The following SYNE2 variants were observed in gnomAD, a reference collection of about 807,000 sequenced individuals.
SYNE2 encodes the protein nesprin-2.
SYNE2 carries 431 observed loss-of-function variants against 856.3 expected under a neutral mutation model. That is an observed-to-expected ratio of 0.50 (90% CI 0.47 to 0.55). SYNE2 has a LOEUF of 0.55. Ranked by LOEUF, SYNE2 falls within the 20% of genes least tolerant of loss-of-function variation. The pLI, the probability that SYNE2 is intolerant of heterozygous loss-of-function variation, is 0.00. For synonymous variants in SYNE2, 2,923 were observed against 2,872.3 expected, an observed-to-expected ratio of 1.02 and a Z score of -0.56; for missense variants, 8,129 against 8,023.2, an observed-to-expected ratio of 1.01 and a Z score of -0.50.
intron 2 of SYNE2, among the ~76,000 whole-genome samples, chr14:63,909,809 C>T (rs982245261): frequency 6.6e-6 from 1 of 152,168 alleles, no homozygotes; most frequent in Non-Finnish European, 1.5e-5. Flanking sequence ...CCATTGCATT[C>T]CAGCCTGGGC....
At chr14:63,995,741 C>A (rs143626581) in intron 23 of SYNE2, among the ~76,000 whole-genome samples, 2 of 64,000 alleles carry the variant, frequency 3.1e-5, no homozygotes, top group Non-Finnish European at 6.1e-5. Flanking sequence ...ATCTATCTAT[C>A]TATCTATCTA....
intron 113 of SYNE2, 99 bp from the exon 114 acceptor site, chr14:64,224,361 AC>A (rs1486594953): frequency 3.5e-6 from 4 of 1,139,962 alleles, no homozygotes; most frequent in African/African-American, 3.0e-5. Flanking sequence ...ACAAAACAAA[AC>A]AAAAAAAGAT....
At chr14:63,862,787 G>GTT (rs149128717) in intron 1 of SYNE2, among the ~76,000 whole-genome samples, 11 of 145,910 alleles carry the variant, frequency 7.5e-5, no homozygotes, top group African/African-American at 2.5e-4. Context: ...GGGCAGTTTT[G>GTT]TTTTTTTTTT....
intron 1 of SYNE2, among the ~76,000 whole-genome samples, chr14:63,770,171 G>A (rs1433148931): frequency 6.6e-6 from 1 of 152,002 alleles, no homozygotes; most frequent in African/African-American, 2.4e-5. Flanking sequence ...ATCTCATGAT[G>A]TCTTATTGTA....
intron 1 of SYNE2, among the ~76,000 whole-genome samples, chr14:63,803,040 C>T (rs1233558426): frequency 2.0e-5 from 3 of 152,218 alleles, no homozygotes; most frequent in Non-Finnish European, 4.4e-5. Context: ...ATGGCTCAGG[C>T]AGCCTGCTTT....
At chr14:63,819,782 C>T (rs960690778) in intron 1 of SYNE2, among the ~76,000 whole-genome samples, 51 of 149,190 alleles carry the variant, frequency 3.4e-4, no homozygotes, top group African/African-American at 6.2e-4. Flanking sequence ...GTGATCCACC[C>T]GCCTCGGCCT....
intron 1 of SYNE2, among the ~76,000 whole-genome samples, chr14:63,799,694 AAAAC>A (rs1383346881): frequency 2.0e-5 from 3 of 152,198 alleles, no homozygotes; most frequent in Admixed American, 6.5e-5. Flanking sequence ...CTCTGTCTCA[AAAAC>A]AAACAAACAA....
intron 99 of SYNE2, among the ~76,000 whole-genome samples, chr14:64,200,355 C>T (rs2098556645): frequency 6.6e-6 from 1 of 152,136 alleles, no homozygotes; most frequent in South Asian, 2.1e-4. Context: ...TCCCCCACCC[C>T]CGGGAAGCTC....
chr14:64,175,217 A>C (rs1312612577), intron 95 of SYNE2, 79 bp downstream of exon 95: 3 of 1,540,442 alleles, frequency 1.9e-6, no homozygotes, highest in Non-Finnish European at 1.8e-6. Flanking sequence ...GAAAATGGAA[A>C]TGGTTTTAGG....
chr14:63,879,316 T>C (rs765790257), intron 1 of SYNE2, among the ~76,000 whole-genome samples: 1 of 152,218 alleles, frequency 6.6e-6, no homozygotes, highest in Non-Finnish European at 1.5e-5. Context: ...GACTTGACCC[T>C]CTGAAAATTA....
rs549119215 is a variant in SYNE2 at position 63,998,231 on chromosome 14, A to G, written c.3256A>G (p.Thr1086Ala). The G allele has an allele frequency of 1.2e-6, 2 of 1,613,454 alleles. No homozygotes were observed. Among genetic ancestry groups the G allele is most frequent in the East Asian group, 2.2e-5 (1 of 44,852 alleles). ...CATATTCCCTTAGGCAATGGAACCC[A>G]CTATGAAGTTTAGCCTGGCATCAGT... ...QPSTEKAMEP[T>A]MKFSLASVLR... The change falls in exon 26 of 116, where the codon ACT (threonine) becomes GCT (alanine). Residue 1086 changes from threonine (T) to alanine (A), a missense_variant. By Grantham distance (58) the Thr-to-Ala change is moderately conservative. Around this residue, in one of 3 missense-constraint regions of SYNE2, gnomAD observed 2,422 missense variants for 2,357.4 expected, o/e 1.03. Transcript: ENST00000555002.
At chr14:64,033,311 T>C (rs1422598710) in intron 45 of SYNE2, among the ~76,000 whole-genome samples, 1 of 152,174 alleles carries the variant, frequency 6.6e-6, no homozygotes, top group Non-Finnish European at 1.5e-5. Context: ...ACTTCCCAGA[T>C]CCATTTTGAC....
intron 1 of SYNE2, among the ~76,000 whole-genome samples, chr14:63,863,517 A>C (rs997227825): frequency 6.6e-6 from 1 of 152,220 alleles, no homozygotes; most frequent in African/African-American, 2.4e-5. Flanking sequence ...AATATTACTC[A>C]GAAGATATTT....
At position 64,192,590 on chromosome 14, in the gene SYNE2, C is replaced by A. The variant is rs900630780; in HGVS notation, c.18038+2353C>A. 2.0e-5 allele frequency among the ~76,000 whole-genome samples: 3 copies of A among 152,130 alleles called. 1 individual carries two copies. The highest frequency in any genetic ancestry group is 4.4e-5 in the Non-Finnish European group (3 of 68,038). On this transcript the variant is annotated intron_variant, in intron 99 of 115. Transcript: ENST00000555002. Reference sequence around the variant, plus strand: ...AGTTGAAATAATAGCAAATATATTGCCAGCTGCCTATATTCTTAACAATAT... The same window carrying A: ...AGTTGAAATAATAGCAAATATATTGACAGCTGCCTATATTCTTAACAATAT...
chr14:64,192,280 T>C (rs1596121876), intron 99 of SYNE2, among the ~76,000 whole-genome samples: 2 of 152,286 alleles, frequency 1.3e-5, no homozygotes, highest in East Asian at 3.9e-4. Flanking sequence ...GTCGCCTTTA[T>C]AGCCTAAGTC....
At position 64,212,099 on chromosome 14, in the gene SYNE2, G is replaced by C. The variant is rs2098644283; in HGVS notation, c.18861+1G>C. 1 of 1,613,922 alleles carries C rather than the reference G, an allele frequency of 6.2e-7. No individual in the cohort carries two copies. Among genetic ancestry groups the C allele is most frequent in the African/African-American group, 1.3e-5 (1 of 74,934 alleles). ...CGATGACAAGATGCGCCAACTGAAT[G>C]TGAGGGCTGCTGCTTCCCTAGCTCT... On this transcript the variant is annotated splice_donor_variant, in intron 104 of 115. Coordinates refer to ENST00000555002, the MANE Select transcript of SYNE2 (RefSeq NM_182914.3). LOFTEE classifies it high-confidence loss of function.
rs2978383 is a variant in SYNE2 at position 64,182,973 on chromosome 14, G to A, written c.17557-3451G>A. Among the ~76,000 whole-genome samples, 8 of 145,082 alleles carry A rather than the reference G, an allele frequency of 5.5e-5. No homozygotes were observed. In the East Asian group the frequency reaches 6.5e-4, roughly 12 times the overall value. ...CCAGAAGGGGCGGCCGGGCAGAGGC[G>A]CCCCCCACCTCCCTCCCGGACGGGG... On this transcript the variant is annotated intron_variant, in intron 96 of 115. Transcript: ENST00000555002.
intron 1 of SYNE2, among the ~76,000 whole-genome samples, chr14:63,784,233 C>T (rs978335266): frequency 6.6e-6 from 1 of 151,952 alleles, no homozygotes; most frequent in African/African-American, 2.4e-5. Context: ...TGGCTCATGC[C>T]TGTAATCCCA....
At chr14:64,099,050 C>T (rs547019909) in intron 63 of SYNE2, 13 of 514,652 alleles carry the variant, frequency 2.5e-5, no homozygotes, top group African/African-American at 9.6e-5. Context: ...TGTTGGCATA[C>T]GGGAGAAGGT....
Sources: allele counts gnomAD v4.1 joint callset (sites outside exome capture counted in the v4.1 genomes callset), GRCh38; gene constraint gnomAD v4.1.1; regional missense constraint gnomAD v4.1.1; transcripts MANE v1.5; gene names NCBI Gene and HGNC (gene_info 2026-07-23, HGNC 2026-07-21).